DENND2B: variants seen among roughly 807,000 people sequenced by gnomAD.
DENND2B encodes DENN domain containing 2B, also known as DENN domain-containing protein 2B.
DENND2B carries 32 observed loss-of-function variants against 116.0 expected under a neutral mutation model. The observed-to-expected ratio is 0.28, with a 90% CI of 0.21 to 0.37. The LOEUF is 0.37. Ranked by LOEUF, DENND2B falls within the 10% of genes least tolerant of loss-of-function variation. The pLI is 1.00. For missense variants in DENND2B, 1,276 were observed against 1,477.7 expected (o/e 0.86, Z 2.24); for synonymous variants, 588 against 583.9 (o/e 1.01, Z -0.10).
chr11:8,853,804 G>C (rs2063094885), intron 3 of DENND2B, among the ~76,000 whole-genome samples: 1 of 151,926 alleles, frequency 6.6e-6, no homozygotes, highest in South Asian at 2.1e-4. Flanking sequence ...TTGGGAAAGT[G>C]AGGTTTTTAT....
At chr11:8,887,549 T>C (rs1566084055) in intron 1 of DENND2B, among the ~76,000 whole-genome samples, 1 of 152,282 alleles carries the variant, frequency 6.6e-6, no homozygotes, top group East Asian at 1.9e-4. Context: ...GTCAACCAAA[T>C]AAATCTGTCT....
At chr11:8,870,597 C>T (rs2063747141) in intron 2 of DENND2B, among the ~76,000 whole-genome samples, 1 of 149,022 alleles carries the variant, frequency 6.7e-6, no homozygotes, top group Non-Finnish European at 1.5e-5. Context: ...GCTCGAATGC[C>T]GCCACCGAGA....
chr11:8,773,223 G>C (rs1276159844), intron 1 of DENND2B, among the ~76,000 whole-genome samples: 3 of 152,150 alleles, frequency 2.0e-5, no homozygotes, highest in Non-Finnish European at 4.4e-5. Flanking sequence ...AAGCACACCA[G>C]CTACCTAGGG....
At position 8,715,218 on chromosome 11, in the gene DENND2B, G is replaced by C. The variant is rs577688494; in HGVS notation, c.1845+385C>G. ...TGGGGATTTGGGCCTGGCTGCCTAT[G>C]TGTGAAAATCATTGCTGAAAATTCT... is the stretch of plus-strand genomic sequence containing the variant. On this transcript the variant is annotated intron_variant, in intron 6 of 19. Transcript: ENST00000313726. Among the ~76,000 whole-genome samples, 7 of 152,296 alleles carry C rather than the reference G, an allele frequency of 4.6e-5. No homozygotes were observed. In the South Asian group the frequency reaches 1.4e-3, roughly 32 times the overall value.
chr11:8,701,191 G>C (rs1278001764), intron 14 of DENND2B, among the ~76,000 whole-genome samples: 1 of 152,104 alleles, frequency 6.6e-6, no homozygotes, highest in Non-Finnish European at 1.5e-5. Flanking sequence ...TTAGAAATTG[G>C]GTCCACCCAA....
intron 1 of DENND2B, among the ~76,000 whole-genome samples, chr11:8,801,689 A>AAAAAAAG (rs56084309): frequency 8.5e-5 from 10 of 117,696 alleles, no homozygotes; most frequent in African/African-American, 3.3e-4. Context: ...AAAAAAAAAA[A>AAAAAAAG]AAAGAAAGAA....
chr11:8,816,347 A>G (rs1028131807), intron 4 of DENND2B, among the ~76,000 whole-genome samples: 5 of 152,164 alleles, frequency 3.3e-5, no homozygotes, highest in African/African-American at 9.7e-5. Context: ...GGAGTTCAAG[A>G]CTAGCCTGGG....
intron 10 of DENND2B, 70 bp from the exon 11 acceptor site, chr11:8,710,984 A>C (rs769901681): frequency 1.4e-5 from 23 of 1,593,504 alleles, no homozygotes; most frequent in Non-Finnish European, 2.0e-5. Flanking sequence ...AAGAATAGGG[A>C]CCGTCATTTT....
chr11:8,809,313 T>C (rs1442467025), intron 1 of DENND2B: 1 of 152,148 alleles, frequency 6.6e-6, no homozygotes, highest in Admixed American at 6.5e-5. Flanking sequence ...TGCCCCCTCA[T>C]TGTTTGCCAG....
intron 4 of DENND2B, among the ~76,000 whole-genome samples, chr11:8,833,061 G>A (rs1446138688): frequency 6.6e-6 from 1 of 152,270 alleles, no homozygotes; most frequent in Non-Finnish European, 1.5e-5. Flanking sequence ...CATCTTGAGG[G>A]AGGAGGGCAA....
At chr11:8,887,303 G>C (rs34317476) in intron 1 of DENND2B, among the ~76,000 whole-genome samples, 3 of 152,040 alleles carry the variant, frequency 2.0e-5, no homozygotes, top group Admixed American at 2.0e-4. Context: ...ATAATGCTTA[G>C]GCAGGTTAAA....
chr11:8,820,920 G>C (rs1353773295), intron 4 of DENND2B, among the ~76,000 whole-genome samples: 5 of 151,730 alleles, frequency 3.3e-5, no homozygotes, highest in Admixed American at 6.6e-5. Flanking sequence ...TCAGGAGTTC[G>C]AGACCAGCCT....
intron 2 of DENND2B, among the ~76,000 whole-genome samples, chr11:8,749,749 C>G (rs2052004300): frequency 6.6e-6 from 1 of 152,220 alleles, no homozygotes; most frequent in African/African-American, 2.4e-5. Context: ...TCATAGCTAT[C>G]CATCTTAGAG....
In DENND2B at chr11:8,824,651, A is replaced by G. The variant is rs147115900; in HGVS notation, c.-114-13316T>C. The stretch of plus-strand genomic sequence containing the variant: ...CTTTGCTATTGTGAATAGTGTTGCA[A>G]TGAACATACATGTGCTTGTATCTTT... On this transcript the variant is annotated intron_variant, in intron 4 of 6. Transcript: ENST00000524757. Among the ~76,000 whole-genome samples the G allele has an allele frequency of 5.2e-3, 790 of 152,130 alleles. 10 individuals are homozygous for G. The highest frequency in any genetic ancestry group is 0.018 in the African/African-American group (756 of 41,492).
intron 1 of DENND2B, among the ~76,000 whole-genome samples, chr11:8,892,432 C>A (rs1295352320): frequency 6.6e-6 from 1 of 151,946 alleles, no homozygotes; most frequent in Non-Finnish European, 1.5e-5. Context: ...CACAAAAAAA[C>A]CTTCAAAAAA....
chr11:8,778,277 G>A (rs375104380), intron 1 of DENND2B, among the ~76,000 whole-genome samples: 1 of 152,230 alleles, frequency 6.6e-6, no homozygotes. Flanking sequence ...CATCCAGACA[G>A]TATCACTTCC....
At position 8,730,497 on chromosome 11, in the gene DENND2B, G is replaced by A; in HGVS notation, c.793C>T (p.Pro265Ser). Residue 265 changes from proline (P) to serine (S), a missense_variant, in exon 3 of 20, where the codon CCC (proline) becomes TCC (serine). Physicochemically the swap from Pro to Ser is moderately conservative, Grantham distance 74. Transcript: ENST00000313726. This position sits in a 1 kb window ranked among gnomAD's most constrained non-coding sequence, Gnocchi z 4.1. ...RLEKRLGRSE[P>S]SAFLRGHGSR... ...CCATGCCCCCTGAGGAAGGCGCTGG[G>A]CTCACTCCGGCCCAGCCGTTTCTCC... 6.2e-7 allele frequency: 1 copy of A among 1,612,284 alleles called. No individual in the cohort carries two copies. Among genetic ancestry groups the A allele is most frequent in the Non-Finnish European group, 8.5e-7 (1 of 1,180,008 alleles).
At position 8,717,750 on chromosome 11, in the gene DENND2B, C is replaced by T. The variant is rs142007803; in HGVS notation, c.1620G>A (p.Pro540=). ...GTCAGGGCTGAGTTACCTGTGTGGG[C>T]GGGCTGTTGTACTTCCTGTCCTGAG... is the stretch of plus-strand genomic sequence containing the variant. ...WSPQDRKYNS[P]PTQLSLKPNS... Residue 540 remains proline, a synonymous_variant, in exon 5 of 20, where the codon CCG becomes CCA. Coordinates refer to ENST00000313726, the MANE Select transcript of DENND2B (RefSeq NM_213618.2). The T allele has an allele frequency of 2.0e-4, 309 of 1,565,694 alleles. No individual in the cohort carries two copies. In the East Asian group the frequency reaches 2.4e-3, roughly 12 times the overall value.
chr11:8,832,434 G>C (rs927493788), intron 4 of DENND2B: 1 of 133,472 alleles, frequency 7.5e-6, no homozygotes, highest in East Asian at 2.2e-4. Flanking sequence ...CCTGGCAACA[G>C]AGCGAGACTC....
Sources: allele counts gnomAD v4.1 joint callset (sites outside exome capture counted in the v4.1 genomes callset), GRCh38; gene constraint gnomAD v4.1.1; non-coding constraint Gnocchi (gnomAD v3.1); transcripts MANE v1.5; gene names NCBI Gene and HGNC (gene_info 2026-07-23, HGNC 2026-07-21).